PGM3: variants seen among roughly 807,000 people sequenced by gnomAD.
PGM3 encodes the protein phosphoacetylglucosamine mutase.
A neutral mutation model predicts 66.2 loss-of-function variants in PGM3; 40 were observed. The ratio of observed to expected loss-of-function variants is 0.60; its 90% CI spans 0.47 to 0.79. The LOEUF is 0.79. PGM3 is among the 30% of genes least tolerant of loss of function. PGM3 has a pLI of 0.00. For missense variants in PGM3, 537 were observed against 643.4 expected (o/e 0.83, Z 1.79); for synonymous variants, 191 against 224.2 (o/e 0.85, Z 1.32).
intron 11 of PGM3, chr6:83,171,493 CCTT>C (rs1205467367): frequency 1.3e-5 from 2 of 152,030 alleles, no homozygotes; most frequent in African/African-American, 4.8e-5. Flanking sequence ...TATCATAAGG[CCTT>C]CTTTTTTTGT....
the PGM3 span, among the ~76,000 whole-genome samples, chr6:83,150,199 CTG>C: frequency 1.1e-4 from 16 of 152,182 alleles, no homozygotes; most frequent in African/African-American, 3.6e-4. Flanking sequence ...CATAGGGAGA[CTG>C]TGTCTCTACA....
intron 4 of PGM3, among the ~76,000 whole-genome samples, chr6:83,184,659 C>T (rs1468379653): frequency 6.6e-6 from 1 of 152,186 alleles, no homozygotes; most frequent in Non-Finnish European, 1.5e-5. Flanking sequence ...TTCTGTTCTC[C>T]CCATATATCA....
At chr6:83,183,692 C>T (rs977061712) in intron 4 of PGM3, among the ~76,000 whole-genome samples, 2 of 152,062 alleles carry the variant, frequency 1.3e-5, no homozygotes, top group African/African-American at 4.8e-5. Context: ...TCCTGCCCAA[C>T]ATACATAACC....
intron 3 of PGM3, among the ~76,000 whole-genome samples, chr6:83,188,037 T>C (rs890188356): frequency 6.6e-6 from 1 of 152,180 alleles, no homozygotes; most frequent in African/African-American, 2.4e-5. Flanking sequence ...AATTTCCTTT[T>C]GAAATAATCT....
At chr6:83,178,171 T>G (rs1415246763) in intron 8 of PGM3, among the ~76,000 whole-genome samples, 1 of 152,236 alleles carries the variant, frequency 6.6e-6, no homozygotes, top group African/African-American at 2.4e-5. Context: ...TATCCTAAAC[T>G]TACTTGGTAA....
intron 2 of PGM3, 132 bp from the exon 3 acceptor site, chr6:83,188,930 T>A (rs1788821623): frequency 3.1e-6 from 2 of 638,434 alleles, no homozygotes; most frequent in Non-Finnish European, 5.5e-6. Context: ...ACACCAAATA[T>A]TAATACTGGA....
chr6:83,183,675 A>G (rs887229283), intron 4 of PGM3, among the ~76,000 whole-genome samples: 2 of 152,156 alleles, frequency 1.3e-5, no homozygotes, highest in Non-Finnish European at 2.9e-5. Context: ...AGGCCCTTGC[A>G]TGGACTTCCT....
At chr6:83,177,348 C>G (rs923485893) in intron 8 of PGM3, among the ~76,000 whole-genome samples, 1 of 152,062 alleles carries the variant, frequency 6.6e-6, no homozygotes, top group African/African-American at 2.4e-5. Context: ...ACCCTGGTAA[C>G]TCTCCGAGCA....
downstream of PGM3, chr6:83,158,735 T>C: frequency 1.4e-6 from 1 of 737,480 alleles, no homozygotes; most frequent in South Asian, 2.0e-5. Context: ...TATTTATTAT[T>C]ATCTAATTGA....
intron 6 of PGM3, among the ~76,000 whole-genome samples, chr6:83,181,420 G>C (rs1012735348): frequency 2.6e-5 from 4 of 152,158 alleles, no homozygotes; most frequent in Non-Finnish European, 5.9e-5. Flanking sequence ...TGGAGCCCAG[G>C]AATCTGTGTG....
downstream of PGM3, among the ~76,000 whole-genome samples, chr6:83,156,498 A>G (rs1280135199): frequency 6.6e-6 from 1 of 152,194 alleles, no homozygotes; most frequent in Non-Finnish European, 1.5e-5. Context: ...GGAGATCTGT[A>G]ATTTGGGGAC....
Position 83,167,940 on chromosome 6 carries a change from C to A in PGM3, c.*1294G>T, listed in dbSNP as rs1024056692. 6.2e-7 allele frequency: 1 copy of A among 1,613,994 alleles called. No homozygotes were observed. Among genetic ancestry groups the A allele is most frequent in the Non-Finnish European group, 8.5e-7 (1 of 1,180,026 alleles). On this transcript the variant is annotated 3_prime_UTR_variant, in exon 13 of 13. Coordinates refer to ENST00000513973, the MANE Select transcript of PGM3 (RefSeq NM_015599.3). ...CTTGCTGCTCACCATCTGCACCGTG[C>A]GCAGTATGGAGCAGCTCCTGCCGTT... is the stretch of plus-strand genomic sequence containing the variant.
downstream of PGM3, among the ~76,000 whole-genome samples, chr6:83,159,061 A>G (rs1783553640): frequency 6.6e-6 from 1 of 152,150 alleles, no homozygotes; most frequent in Non-Finnish European, 1.5e-5. Context: ...ACTAAATACA[A>G]TTTTTTACTT....
At chr6:83,154,109 C>T in the PGM3 span, 4 of 1,610,938 alleles carry the variant, frequency 2.5e-6, no homozygotes, top group African/African-American at 5.3e-5. Context: ...CAGCTACTCC[C>T]CTGGAAAGTT....
intron 8 of PGM3, 97 bp from the exon 9 acceptor site, chr6:83,176,157 C>G: frequency 1.4e-6 from 1 of 719,856 alleles, no homozygotes; most frequent in Non-Finnish European, 2.5e-6. Flanking sequence ...GAACAAAATA[C>G]TGGGGCCGAG....
At chr6:83,184,872 C>T (rs1788457515) in intron 4 of PGM3, among the ~76,000 whole-genome samples, 1 of 152,212 alleles carries the variant, frequency 6.6e-6, no homozygotes, top group African/African-American at 2.4e-5. Flanking sequence ...CTTGCCATGA[C>T]CTCCAAGATT....
At chr6:83,150,510 CTT>C in the PGM3 span, among the ~76,000 whole-genome samples, 1 of 152,112 alleles carries the variant, frequency 6.6e-6, no homozygotes, top group Admixed American at 6.5e-5. Flanking sequence ...ATACTAGAAA[CTT>C]TATTTCCTTT....
chr6:83,169,710 G>A (rs1786685906), intron 12 of PGM3: 1 of 459,330 alleles, frequency 2.2e-6, no homozygotes, highest in African/African-American at 2.0e-5. Context: ...AGCTTCTGCA[G>A]GAAAGCTGCC....
At chr6:83,156,068 T>C in the PGM3 span, 1 of 1,613,858 alleles carries the variant, frequency 6.2e-7, no homozygotes, top group Non-Finnish European at 8.5e-7. Flanking sequence ...AGCAGTGAAA[T>C]TGACCAGTAC....
Sources: gnomAD v4.1 joint callset for allele counts (sites outside exome capture counted in the v4.1 genomes callset) on GRCh38, gnomAD v4.1.1 for gene constraint, MANE v1.5 for transcripts, NCBI Gene and HGNC (gene_info 2026-07-23, HGNC 2026-07-21) for gene names.